Variants in AUTS2 observed in about 807,000 individuals in gnomAD.
AUTS2 encodes activator of transcription and developmental regulator AUTS2.
In AUTS2, 17 loss-of-function variants were observed where a neutral mutation model predicts 112.4. The ratio of observed to expected loss-of-function variants is 0.15; its 90% CI spans 0.10 to 0.23. AUTS2 has a LOEUF of 0.23. Ranked by LOEUF, AUTS2 falls within the 10% of genes least tolerant of loss-of-function variation. The probability of loss-of-function intolerance (pLI) is 1.00; values close to 1 mark genes in which losing one functional copy is unlikely to be tolerated. For synonymous variants in AUTS2, 751 were observed against 702.7 expected (o/e 1.07, Z -1.09); for missense variants, 1,510 against 1,701.6 (o/e 0.89, Z 1.98).
intron 1 of AUTS2, among the ~76,000 whole-genome samples, chr7:69,650,471 C>T (rs1250686717): frequency 6.6e-6 from 1 of 152,170 alleles, no homozygotes; most frequent in Non-Finnish European, 1.5e-5. Context: ...GTAAAGTACT[C>T]TATTGAAGGC....
chr7:70,045,699 C>A (rs1197764429), intron 2 of AUTS2, among the ~76,000 whole-genome samples: 1 of 151,714 alleles, frequency 6.6e-6, no homozygotes, highest in Non-Finnish European at 1.5e-5. Context: ...ACCTCTGCCT[C>A]CCAGGTTCAA....
chr7:69,802,410 T>TC (rs1790124756), intron 1 of AUTS2, among the ~76,000 whole-genome samples: 1 of 152,172 alleles, frequency 6.6e-6, no homozygotes, highest in Non-Finnish European at 1.5e-5. Flanking sequence ...TATCACAGTG[T>TC]CCCCTGCATG....
chr7:70,620,168 A>G (rs1033861764), intron 5 of AUTS2, among the ~76,000 whole-genome samples: 2 of 152,224 alleles, frequency 1.3e-5, no homozygotes, highest in Admixed American at 6.5e-5. Context: ...TAGCACTGGT[A>G]CACCTCAATT....
At chr7:69,879,120 CTGTGTGTGTGTGTGTG>C (rs5884770) in intron 1 of AUTS2, among the ~76,000 whole-genome samples, 101 of 147,818 alleles carry the variant, frequency 6.8e-4, no homozygotes, top group Non-Finnish European at 1.3e-3. Context: ...TTGAGACTTT[CTGTGTGTGTGTGTGTG>C]TGTGTGTGTG....
In AUTS2 at chr7:70,463,671, G is replaced by A. The variant is rs549546208; in HGVS notation, c.690+27890G>A. Among the ~76,000 whole-genome samples, 33 of 152,240 alleles carry A rather than the reference G, an allele frequency of 2.2e-4. No homozygotes were observed. The Middle Eastern group carries it at 0.014, about 63-fold the overall frequency. The stretch of plus-strand genomic sequence containing the variant: ...TCTGCCCTTCCCCAAGTCTTCACCC[G>A]CTTGCTCTTTGGTAGATTGAGCATG... On this transcript the variant is annotated intron_variant, in intron 5 of 18. Coordinates refer to ENST00000342771, the MANE Select transcript of AUTS2 (RefSeq NM_015570.4).
At chr7:70,590,616 G>A (rs1802897959) in intron 5 of AUTS2, among the ~76,000 whole-genome samples, 1 of 152,110 alleles carries the variant, frequency 6.6e-6, no homozygotes, top group Admixed American at 6.5e-5. Context: ...TATATTTTAT[G>A]ACCGAAAAGA....
intron 4 of AUTS2, among the ~76,000 whole-genome samples, chr7:70,145,916 C>T (rs989192066): frequency 6.6e-6 from 1 of 152,074 alleles, no homozygotes; most frequent in Non-Finnish European, 1.5e-5. Flanking sequence ...GAATGGTACA[C>T]GTTTAGAGAC....
chr7:70,063,338 G>A (rs1802342613), intron 2 of AUTS2, among the ~76,000 whole-genome samples: 1 of 151,900 alleles, frequency 6.6e-6, no homozygotes. Flanking sequence ...ATTTAAATGG[G>A]ATTTGATATA....
At chr7:69,805,164 A>G (rs907795079) in intron 1 of AUTS2, among the ~76,000 whole-genome samples, 2 of 152,194 alleles carry the variant, frequency 1.3e-5, no homozygotes, top group African/African-American at 4.8e-5. Flanking sequence ...TTGTTGACTT[A>G]AGTAGCAGCC....
At chr7:70,099,782 T>C (rs1366551626) in intron 2 of AUTS2, among the ~76,000 whole-genome samples, 1 of 152,210 alleles carries the variant, frequency 6.6e-6, no homozygotes, top group African/African-American at 2.4e-5. Context: ...TCTTGTAGTA[T>C]TTCCAGTCAC....
rs1348596750 is a variant in AUTS2, at chr7:70,282,456, C to T, written c.660+147885C>T. ...CTGGCAGGTTCACTGTCTTGTGAGGCCTAGTTTCTGGTTGTAGATGGCACC... is the reference window on the plus strand; with the variant it reads ...CTGGCAGGTTCACTGTCTTGTGAGGTCTAGTTTCTGGTTGTAGATGGCACC... On this transcript the variant is annotated intron_variant, in intron 4 of 18. Coordinates refer to ENST00000342771, the MANE Select transcript of AUTS2 (RefSeq NM_015570.4). 2.6e-5 allele frequency among the ~76,000 whole-genome samples: 4 copies of T among 152,186 alleles called. No individual in the cohort carries two copies. In the East Asian group the frequency reaches 7.7e-4, roughly 29 times the overall value.
At chr7:70,085,051 C>T (rs958458640) in intron 2 of AUTS2, among the ~76,000 whole-genome samples, 1 of 151,904 alleles carries the variant, frequency 6.6e-6, no homozygotes, top group Non-Finnish European at 1.5e-5. Flanking sequence ...TTTTTAAAAA[C>T]TTTTTTGTAG....
chr7:70,250,283 C>A (rs1364995028), intron 4 of AUTS2, among the ~76,000 whole-genome samples: 2 of 152,080 alleles, frequency 1.3e-5, no homozygotes, highest in African/African-American at 4.8e-5. Context: ...CTGGATTTTC[C>A]TTCTCTTAGT....
intron 2 of AUTS2, among the ~76,000 whole-genome samples, chr7:69,985,576 G>A (rs1230633734): frequency 6.6e-6 from 1 of 152,132 alleles, no homozygotes; most frequent in Non-Finnish European, 1.5e-5. Context: ...GCCGTATGTG[G>A]CTCCCTGCCC....
rs187254972 is a variant in AUTS2 at position 69,640,318 on chromosome 7, G to A, written c.309+40356G>A. Among the ~76,000 whole-genome samples, 16 of 152,370 alleles carry A rather than the reference G, an allele frequency of 1.1e-4. No individual in the cohort carries two copies. In the East Asian group the frequency reaches 2.3e-3, roughly 22 times the overall value. ...AGACTTCTTGATCTCCCCAGCCGGG[G>A]ATGGAGGGCATTCTCTTCCACTGGA... On this transcript the variant is annotated intron_variant, in intron 1 of 18. Coordinates refer to ENST00000342771, the MANE Select transcript of AUTS2 (RefSeq NM_015570.4).
chr7:70,330,099 A>G (rs373767567), intron 4 of AUTS2, among the ~76,000 whole-genome samples: 3 of 152,308 alleles, frequency 2.0e-5, no homozygotes, highest in East Asian at 3.9e-4. Flanking sequence ...AAATTTCAAC[A>G]TGAATTTTGA....
At chr7:69,961,044 C>T (rs904205889) in intron 2 of AUTS2, among the ~76,000 whole-genome samples, 3 of 152,076 alleles carry the variant, frequency 2.0e-5, no homozygotes, top group Non-Finnish European at 4.4e-5. Flanking sequence ...TGTATCATTC[C>T]TTCCGGTGTA....
At chr7:69,767,658 T>C (rs925348590) in intron 1 of AUTS2, among the ~76,000 whole-genome samples, 2 of 152,204 alleles carry the variant, frequency 1.3e-5, no homozygotes, top group Non-Finnish European at 2.9e-5. Flanking sequence ...GACCAACCCA[T>C]TGTATGTGCA....
intron 5 of AUTS2, among the ~76,000 whole-genome samples, chr7:70,526,704 A>C (rs911983138): frequency 6.6e-6 from 1 of 152,260 alleles, no homozygotes; most frequent in African/African-American, 2.4e-5. Context: ...TCTTCTCTTC[A>C]TGACTGCCCG....
Sources: gnomAD v4.1 joint callset for allele counts (sites outside exome capture counted in the v4.1 genomes callset) on GRCh38, gnomAD v4.1.1 for gene constraint, MANE v1.5 for transcripts, NCBI Gene and HGNC (gene_info 2026-07-23, HGNC 2026-07-21) for gene names.